The following WARS2 variants were observed in gnomAD, a reference collection of about 807,000 sequenced individuals.
WARS2 encodes tryptophan--tRNA ligase, mitochondrial.
A neutral mutation model predicts 36.5 loss-of-function variants in WARS2; 28 were observed. That is an observed-to-expected ratio of 0.77 (90% CI 0.57 to 1.05). The LOEUF (loss-of-function observed/expected upper bound fraction) is 1.05, where lower values mean the gene tolerates loss of function less well. WARS2 is among the 50% of genes least tolerant of loss of function. WARS2 has a pLI of 0.00. For synonymous variants in WARS2, 174 were observed against 178.4 expected (o/e 0.98, Z 0.20); for missense variants, 435 against 456.8 (o/e 0.95, Z 0.44).
intron 2 of WARS2, among the ~76,000 whole-genome samples, chr1:119,046,715 T>TC (rs1648882002): frequency 6.6e-6 from 1 of 151,740 alleles, no homozygotes; most frequent in Non-Finnish European, 1.5e-5. Flanking sequence ...ACCTAGAATT[T>TC]AAGGCCTATG....
rs1571363943 is a variant in WARS2, at chr1:119,104,751, T to C, written c.91-28144A>G. The stretch of plus-strand genomic sequence containing the variant: ...CCTAAATAATATAGGAGATAATAAA[T>C]TGTAAGAAGAGGCCAAAAAAAAAAA... On this transcript the variant is annotated intron_variant, in intron 1 of 5. Transcript: ENST00000235521. Among the ~76,000 whole-genome samples, 4 of 147,252 alleles carry C rather than the reference T, an allele frequency of 2.7e-5. No homozygotes were observed. In the Admixed American group the frequency reaches 2.8e-4, roughly 10 times the overall value.
chr1:119,074,013 T>C (rs1429716290), intron 2 of WARS2, among the ~76,000 whole-genome samples: 1 of 152,156 alleles, frequency 6.6e-6, no homozygotes, highest in East Asian at 1.9e-4. Flanking sequence ...CTACAAGAAG[T>C]ATGGAAATAG....
At chr1:119,075,601 T>C (rs1293294701) in intron 2 of WARS2, among the ~76,000 whole-genome samples, 2 of 152,198 alleles carry the variant, frequency 1.3e-5, no homozygotes, top group Admixed American at 6.5e-5. Context: ...ACATGTACCA[T>C]AGCATGTATA....
chr1:119,111,245 A>C (rs1039911391), intron 1 of WARS2, among the ~76,000 whole-genome samples: 2 of 152,164 alleles, frequency 1.3e-5, no homozygotes, highest in Non-Finnish European at 2.9e-5. Flanking sequence ...GAACTTCAGT[A>C]AACAGGCTTT....
At chr1:119,039,212 A>G (rs1256964081) in intron 4 of WARS2, among the ~76,000 whole-genome samples, 4 of 152,186 alleles carry the variant, frequency 2.6e-5, no homozygotes, top group Admixed American at 1.3e-4. Context: ...CCTGGCAAAT[A>G]ATTCTCAACA....
intron 2 of WARS2, among the ~76,000 whole-genome samples, chr1:119,050,884 G>A (rs1649294724): frequency 6.6e-6 from 1 of 152,110 alleles, no homozygotes. Context: ...GGGGTAAAGG[G>A]AATAGGAAGG....
At chr1:119,117,219 A>G (rs1655027474) in intron 1 of WARS2, among the ~76,000 whole-genome samples, 1 of 152,090 alleles carries the variant, frequency 6.6e-6, no homozygotes, top group Admixed American at 6.5e-5. Flanking sequence ...CCCTGGGAAC[A>G]TAACTCAATG....
chr1:119,037,920 T>C (rs1192450884), intron 4 of WARS2, among the ~76,000 whole-genome samples: 1 of 152,260 alleles, frequency 6.6e-6, no homozygotes, highest in Admixed American at 6.5e-5. Flanking sequence ...AGCCTCTAAA[T>C]AGATGGCCCC....
chr1:119,056,885 G>A (rs988346367), intron 2 of WARS2, among the ~76,000 whole-genome samples: 1 of 152,076 alleles, frequency 6.6e-6, no homozygotes, highest in East Asian at 1.9e-4. Context: ...AGTCTTTTGG[G>A]TAAATACCTA....
At chr1:119,083,421 C>G (rs1652370977) in intron 1 of WARS2, among the ~76,000 whole-genome samples, 1 of 152,164 alleles carries the variant, frequency 6.6e-6, no homozygotes, top group South Asian at 2.1e-4. Context: ...TTCCTAGCCT[C>G]CAGAACTGTA....
Position 119,113,087 on chromosome 1 carries a change from T to C in WARS2, c.90+27468A>G, listed in dbSNP as rs587743355. 1.1e-4 allele frequency among the ~76,000 whole-genome samples: 17 copies of C among 152,300 alleles called. No homozygotes were observed. In the South Asian group the frequency reaches 3.5e-3, roughly 32 times the overall value. On this transcript the variant is annotated intron_variant, in intron 1 of 5. Coordinates refer to ENST00000235521, the MANE Select transcript of WARS2 (RefSeq NM_015836.4). The stretch of plus-strand genomic sequence containing the variant: ...AGTAGGTAGGGTTTAGAGATTAGAA[T>C]GCTAAAAGGTGATATTTGTGAAGTT...
chr1:119,043,398 C>T (rs896157910), intron 3 of WARS2, among the ~76,000 whole-genome samples: 2 of 152,138 alleles, frequency 1.3e-5, no homozygotes, highest in Non-Finnish European at 2.9e-5. Context: ...TTGGGATACC[C>T]CTACCAAGGT....
chr1:119,044,538 T>A (rs1425651583), intron 3 of WARS2, among the ~76,000 whole-genome samples: 1 of 152,218 alleles, frequency 6.6e-6, no homozygotes, highest in Non-Finnish European at 1.5e-5. Context: ...CTTAGTCCAC[T>A]CAGGCTGCTA....
chr1:119,061,877 G>T (rs540334903), intron 2 of WARS2, among the ~76,000 whole-genome samples: 5 of 152,206 alleles, frequency 3.3e-5, no homozygotes, highest in Non-Finnish European at 7.4e-5. Context: ...ACACTGCTAG[G>T]CAACATTGCT....
chr1:119,127,164 T>C, intron 1 of WARS2: 1 of 726,630 alleles, frequency 1.4e-6, no homozygotes, highest in Non-Finnish European at 2.5e-6. Context: ...CTTTCCAGTA[T>C]TTCTTATATT....
chr1:119,135,393 T>C (rs1242720374), intron 1 of WARS2, among the ~76,000 whole-genome samples: 1 of 152,224 alleles, frequency 6.6e-6, no homozygotes, highest in Non-Finnish European at 1.5e-5. Context: ...TTTGCTTTTA[T>C]CTGTTTTATA....
At chr1:119,036,097 C>T (rs10923737) in intron 4 of WARS2, among the ~76,000 whole-genome samples, 26,051 of 151,956 alleles carry the variant, frequency 0.17, 3,368 homozygotes, top group East Asian at 0.48. Flanking sequence ...CCAGGTACTC[C>T]GGAGGCTGAG....
intron 1 of WARS2, among the ~76,000 whole-genome samples, chr1:119,135,739 T>TAGAC (rs1175169083): frequency 8.6e-6 from 1 of 115,838 alleles, no homozygotes; most frequent in South Asian, 2.5e-4. Flanking sequence ...GATAGATAGA[T>TAGAC]AGATAGATAG....
intron 1 of WARS2, chr1:119,086,083 C>T (rs1652639579): frequency 6.9e-6 from 7 of 1,007,212 alleles, no homozygotes; most frequent in Non-Finnish European, 1.0e-5. Flanking sequence ...TGGTCTCAAA[C>T]TCCTAGCCTT....
Sources: gnomAD v4.1 joint callset for allele counts (sites outside exome capture counted in the v4.1 genomes callset) on GRCh38, gnomAD v4.1.1 for gene constraint, MANE v1.5 for transcripts, NCBI Gene and HGNC (gene_info 2026-07-23, HGNC 2026-07-21) for gene names.